BNC2: variants seen among roughly 807,000 people sequenced by gnomAD.
BNC2 encodes zinc finger protein basonuclin-2.
BNC2 carries 20 observed loss-of-function variants against 76.3 expected under a neutral mutation model. That is an observed-to-expected ratio of 0.26 (90% CI 0.18 to 0.38). BNC2 has a LOEUF of 0.38. Ranked by LOEUF, BNC2 falls within the 10% of genes least tolerant of loss-of-function variation. The pLI is 1.00. For synonymous variants in BNC2, 582 were observed against 514.8 expected (o/e 1.13, Z -1.77); for missense variants, 1,382 against 1,399.8 (o/e 0.99, Z 0.20).
At chr9:16,478,332 T>A (rs1160158047) in intron 5 of BNC2, among the ~76,000 whole-genome samples, 2 of 152,156 alleles carry the variant, frequency 1.3e-5, no homozygotes, top group Non-Finnish European at 2.9e-5. Flanking sequence ...GGTGATCACA[T>A]TTCAATTGCT....
In BNC2 at chr9:16,498,710, A is replaced by C. The variant is rs558210168; in HGVS notation, c.669+53820T>G. Among the ~76,000 whole-genome samples, 31 of 152,032 alleles carry C rather than the reference A, an allele frequency of 2.0e-4. 1 individual carries two copies. The highest frequency in any genetic ancestry group is 5.8e-4 in the East Asian group (3 of 5,194). On this transcript the variant is annotated intron_variant, in intron 5 of 6. Coordinates refer to ENST00000380672, the MANE Select transcript of BNC2 (RefSeq NM_017637.6). ...TAATCAAGAAAAAAAAAAGACCCCC[A>C]AAAAATTATATGTTTTCTTCTGTCT...
rs565661763 is a variant in BNC2, at chr9:16,423,484, G to A, written c.2640-3835C>T. ...AGTGGTCCAAACCTTAGCCCCAGACGTTCACTTTCAAGAACATAACTAAAT... is the reference window on the plus strand; with the variant it reads ...AGTGGTCCAAACCTTAGCCCCAGACATTCACTTTCAAGAACATAACTAAAT... On this transcript the variant is annotated intron_variant, in intron 6 of 6. Transcript: ENST00000380672. Among the ~76,000 whole-genome samples, 23 of 152,268 alleles carry A rather than the reference G, an allele frequency of 1.5e-4. No homozygotes were observed. The South Asian group carries it at 3.1e-3, about 21-fold the overall frequency.
intron 3 of BNC2, among the ~76,000 whole-genome samples, chr9:16,607,329 A>G (rs910041202): frequency 2.6e-5 from 4 of 152,148 alleles, no homozygotes; most frequent in Non-Finnish European, 5.9e-5. Flanking sequence ...GGAGAGACGG[A>G]GAAAATAATT....
intron 5 of BNC2, among the ~76,000 whole-genome samples, chr9:16,522,896 A>G (rs1817662880): frequency 6.6e-6 from 1 of 152,190 alleles, no homozygotes; most frequent in Non-Finnish European, 1.5e-5. Context: ...CCAGAAAAGT[A>G]TAAAGTCATC....
chr9:16,765,931 C>T (rs1000043475), intron 1 of BNC2, among the ~76,000 whole-genome samples: 2 of 152,012 alleles, frequency 1.3e-5, no homozygotes, highest in Admixed American at 6.5e-5. Flanking sequence ...GGACTACAGG[C>T]GCTCGCCACC....
At chr9:16,743,395 G>C (rs1824907079) in intron 1 of BNC2, among the ~76,000 whole-genome samples, 1 of 152,058 alleles carries the variant, frequency 6.6e-6, no homozygotes, top group Admixed American at 6.5e-5. Flanking sequence ...TCTCTTTCCT[G>C]GTTCTACCCC....
chr9:16,436,553 G>C lies in BNC2; in HGVS notation c.1641C>G (p.Asp547Glu). ...TAGGGAGAGGATTTTGCAAGACAGGGTCTAGAGGGGGAGTGGTAAAACCCA... is the reference window on the plus strand; with the variant it reads ...TAGGGAGAGGATTTTGCAAGACAGGCTCTAGAGGGGGAGTGGTAAAACCCA... ...PPMGFTTPPLDPVLQNPLPSQ... is the reference protein window; with the variant it reads ...PPMGFTTPPLEPVLQNPLPSQ... Residue 547 changes from aspartate to glutamate, a missense_variant, in exon 6 of 7, where the codon GAC (aspartate) becomes GAG (glutamate). Around this residue, in one of 3 missense-constraint regions of BNC2, gnomAD observed 798 missense variants for 775.5 expected, o/e 1.03. Coordinates refer to ENST00000380672, the MANE Select transcript of BNC2 (RefSeq NM_017637.6). The C allele has an allele frequency of 9.9e-6, 16 of 1,614,136 alleles. No homozygotes were observed. The highest frequency in any genetic ancestry group is 1.4e-5 in the Non-Finnish European group (16 of 1,180,028).
At position 16,419,488 on chromosome 9, in the gene BNC2, T is replaced by C; in HGVS notation, c.2801A>G (p.Asp934Gly). Residue 934 changes from aspartate to glycine, a missense_variant, in exon 7 of 7, where the codon GAC (aspartate) becomes GGC (glycine). Around this residue, in one of 3 missense-constraint regions of BNC2, gnomAD observed 798 missense variants for 775.5 expected, o/e 1.03. Coordinates refer to ENST00000380672, the MANE Select transcript of BNC2 (RefSeq NM_017637.6). ...TTCAGTCCCTGCGGGAGAGGAGGCG[T>C]CTTCCCTGACATCGAGCCCCATGGG... ...QHPMGLDVRE[D>G]ASSPAGTEDS... 6.2e-7 allele frequency: 1 copy of C among 1,614,052 alleles called. No homozygotes were observed. Among genetic ancestry groups the C allele is most frequent in the Non-Finnish European group, 8.5e-7 (1 of 1,180,004 alleles).
chr9:16,698,037 T>C (rs1170559664), intron 3 of BNC2, among the ~76,000 whole-genome samples: 1 of 152,206 alleles, frequency 6.6e-6, no homozygotes, highest in East Asian at 1.9e-4. Context: ...GGCCAAATGC[T>C]ATCCTGCTGC....
chr9:16,487,096 A>G (rs1347171300), intron 5 of BNC2, among the ~76,000 whole-genome samples: 1 of 152,238 alleles, frequency 6.6e-6, no homozygotes, highest in South Asian at 2.1e-4. Context: ...ACAGATGAGA[A>G]AAGAGATGTG....
chr9:16,582,225 C>T (rs552358473), intron 4 of BNC2, among the ~76,000 whole-genome samples: 39 of 137,432 alleles, frequency 2.8e-4, no homozygotes, highest in East Asian at 2.5e-3. Flanking sequence ...GAAAAAAAAA[C>T]GTCTGCTTAT....
chr9:16,652,646 G>A (rs1821824689), intron 3 of BNC2, among the ~76,000 whole-genome samples: 1 of 152,176 alleles, frequency 6.6e-6, no homozygotes, highest in Admixed American at 6.5e-5. Context: ...AAGTGCACAT[G>A]ATATCATCAC....
At chr9:16,813,858 G>A (rs1367191329) in intron 1 of BNC2, among the ~76,000 whole-genome samples, 1 of 152,124 alleles carries the variant, frequency 6.6e-6, no homozygotes, top group African/African-American at 2.4e-5. Context: ...CACCCAGTAA[G>A]TGTCCAGCAG....
intron 3 of BNC2, among the ~76,000 whole-genome samples, chr9:16,663,234 A>G (rs1822166393): frequency 6.8e-6 from 1 of 146,780 alleles, no homozygotes; most frequent in Admixed American, 7.0e-5. Context: ...GGTTCAAGCC[A>G]TTCTCCTGCC....
At chr9:16,742,859 A>C (rs1824890045) in intron 1 of BNC2, among the ~76,000 whole-genome samples, 1 of 152,186 alleles carries the variant, frequency 6.6e-6, no homozygotes, top group Non-Finnish European at 1.5e-5. Flanking sequence ...TCAATAAACT[A>C]ACTTCTGGAT....
At chr9:16,516,519 G>A (rs1419990717) in intron 5 of BNC2, among the ~76,000 whole-genome samples, 2 of 151,958 alleles carry the variant, frequency 1.3e-5, no homozygotes, top group African/African-American at 4.8e-5. Context: ...TACATACATA[G>A]GTACCCAGAA....
intron 5 of BNC2, among the ~76,000 whole-genome samples, chr9:16,533,835 G>A (rs1166964655): frequency 6.6e-6 from 1 of 152,112 alleles, no homozygotes; most frequent in Non-Finnish European, 1.5e-5. Flanking sequence ...TGTTTTTATA[G>A]GTCTTCCTAT....
At chr9:16,808,476 C>A (rs1328086543) in intron 1 of BNC2, among the ~76,000 whole-genome samples, 4 of 114,598 alleles carry the variant, frequency 3.5e-5, no homozygotes, top group Admixed American at 1.0e-4. Context: ...TGATCTTGGG[C>A]AACTTTTTTT....
intron 3 of BNC2, among the ~76,000 whole-genome samples, chr9:16,663,042 C>G (rs1822155880): frequency 6.6e-6 from 1 of 151,672 alleles, no homozygotes; most frequent in African/African-American, 2.4e-5. Context: ...CACTATACAG[C>G]CAAGTGATTT....
Sources: gnomAD v4.1 joint callset for allele counts (sites outside exome capture counted in the v4.1 genomes callset) on GRCh38, gnomAD v4.1.1 for gene constraint, gnomAD v4.1.1 regional missense constraint, MANE v1.5 for transcripts, NCBI Gene and HGNC (gene_info 2026-07-23, HGNC 2026-07-21) for gene names.